The following UGGT1 variants were observed in gnomAD, a reference collection of about 807,000 sequenced individuals.
The protein encoded by UGGT1 is UDP-glucose:glycoprotein glucosyltransferase 1.
Under a neutral mutation model 203.9 loss-of-function variants are expected in UGGT1, and 107 were observed. The ratio of observed to expected loss-of-function variants is 0.52; its 90% CI spans 0.45 to 0.62. UGGT1 has a LOEUF of 0.62. UGGT1 is among the 20% of genes least tolerant of loss of function. The pLI is 0.00. For synonymous variants in UGGT1, 628 were observed against 653.5 expected, an observed-to-expected ratio of 0.96 and a Z score of 0.59; for missense variants, 1,673 against 1,867.2, an observed-to-expected ratio of 0.90 and a Z score of 1.92.
intron 13 of UGGT1, among the ~76,000 whole-genome samples, chr2:128,130,697 C>T (rs754211349): frequency 3.3e-5 from 5 of 152,194 alleles, no homozygotes; most frequent in Admixed American, 6.5e-5. Context: ...CCAACCACCC[C>T]TCTCCTTCCT....
At chr2:128,115,273 G>A in intron 7 of UGGT1, 53 bp downstream of exon 7, 1 of 1,494,566 alleles carries the variant, frequency 6.7e-7, no homozygotes, top group Non-Finnish European at 9.3e-7. Context: ...GAGTTAAAGG[G>A]GAGTTTGTTT....
In UGGT1 at chr2:128,175,971, T is replaced by C. The variant is rs1037349900; in HGVS notation, c.3540-843T>C. 5.3e-5 allele frequency among the ~76,000 whole-genome samples: 8 copies of C among 152,278 alleles called. No individual in the cohort carries two copies. The East Asian group carries it at 1.5e-3, about 29-fold the overall frequency. The stretch of plus-strand genomic sequence containing the variant: ...AACATACATTTAATTTTTCTTCCTC[T>C]GCTCCTGTCTGCCTGCAAATAGAAT... On this transcript the variant is annotated intron_variant, in intron 31 of 40. Coordinates refer to ENST00000259253, the MANE Select transcript of UGGT1 (RefSeq NM_020120.4).
chr2:128,176,065 G>A (rs1223373982), intron 31 of UGGT1, among the ~76,000 whole-genome samples: 2 of 152,222 alleles, frequency 1.3e-5, no homozygotes, highest in Non-Finnish European at 2.9e-5. Context: ...ACTGATTGTT[G>A]CCTCCGGCAG....
chr2:128,135,433 G>C (rs1337357434), intron 15 of UGGT1, among the ~76,000 whole-genome samples: 3 of 152,122 alleles, frequency 2.0e-5, no homozygotes, highest in Non-Finnish European at 4.4e-5. Context: ...GTCTTTTTAA[G>C]AACAGTTTTT....
intron 8 of UGGT1, among the ~76,000 whole-genome samples, chr2:128,117,531 T>G (rs1688164458): frequency 6.7e-6 from 1 of 149,278 alleles, no homozygotes; most frequent in East Asian, 2.0e-4. Flanking sequence ...CTGGAAAGTC[T>G]TCTTAACTGT....
At chr2:128,134,805 T>C in intron 14 of UGGT1, 71 bp from the exon 15 acceptor site, 3 of 1,408,800 alleles carry the variant, frequency 2.1e-6, no homozygotes, top group Non-Finnish European at 3.0e-6. Flanking sequence ...CAGTGACTCA[T>C]AACATTTTTC....
intron 12 of UGGT1, 73 bp from the exon 13 acceptor site, chr2:128,128,954 ATT>A: frequency 7.0e-7 from 1 of 1,429,546 alleles, no homozygotes; most frequent in Non-Finnish European, 9.3e-7. Flanking sequence ...GAACTGATAC[ATT>A]TTTTTTCATG....
intron 16 of UGGT1, among the ~76,000 whole-genome samples, chr2:128,142,233 C>T (rs1689465505): frequency 6.6e-6 from 1 of 151,470 alleles, no homozygotes; most frequent in African/African-American, 2.4e-5. Context: ...ACCATGCCTG[C>T]CTGGCCTATT....
intron 13 of UGGT1, among the ~76,000 whole-genome samples, chr2:128,130,123 T>G (rs1688803917): frequency 6.6e-6 from 1 of 152,062 alleles, no homozygotes; most frequent in African/African-American, 2.4e-5. Context: ...TAGCCGGGTG[T>G]GGTGGCACAC....
Position 128,183,772 on chromosome 2 carries a change from C to T in UGGT1, c.4342C>T (p.Leu1448Phe), listed in dbSNP as rs1264440209. 6.2e-7 allele frequency: 1 copy of T among 1,613,686 alleles called. No homozygotes were observed. Among genetic ancestry groups the T allele is most frequent in the Non-Finnish European group, 8.5e-7 (1 of 1,179,760 alleles). Residue 1448 changes from leucine (L) to phenylalanine (F), a missense_variant, in exon 38 of 41, where the codon CTT becomes TTT. Around this residue, in one of 4 missense-constraint regions of UGGT1, gnomAD observed 513 missense variants for 684.1 expected, o/e 0.75. Transcript: ENST00000259253. ...YQGLSQDPNS[L>F]SNLDQDLPNN... ...AGGTCTGAGTCAGGACCCTAACAGC[C>T]TTTCAAATCTTGATCAAGTAAGTGT... is the stretch of plus-strand genomic sequence containing the variant.
intron 25 of UGGT1, among the ~76,000 whole-genome samples, chr2:128,161,611 G>A (rs1469828676): frequency 6.6e-6 from 1 of 152,026 alleles, no homozygotes; most frequent in African/African-American, 2.4e-5. Flanking sequence ...TATCTATTTG[G>A]TTACCCTTCA....
At chr2:128,120,087 C>T (rs1688305225) in intron 8 of UGGT1, among the ~76,000 whole-genome samples, 1 of 151,922 alleles carries the variant, frequency 6.6e-6, no homozygotes. Context: ...TGAAAAGTCT[C>T]CTTTGTTAAC....
At position 128,091,392 on chromosome 2, in the gene UGGT1, C is replaced by G; in HGVS notation, c.35C>G (p.Ala12Gly). The G allele has an allele frequency of 6.3e-7, 1 of 1,578,014 alleles. No homozygotes were observed. The highest frequency in any genetic ancestry group is 8.6e-7 in the Non-Finnish European group (1 of 1,162,050). ...AAGGGAGACGCGAGCGGTGCGTGTG[C>G]CGCGGGTGCGCTGCCGGTGACAGGT... is the stretch of plus-strand genomic sequence containing the variant. ...GCKGDASGAC[A>G]AGALPVTGVC... Residue 12 changes from alanine (A) to glycine (G), a missense_variant, in exon 1 of 41, where the codon GCC becomes GGC. Ala to Gly is a moderately conservative substitution (Grantham distance 60). This residue lies in a region of UGGT1 where 83 missense variants were observed against 87.2 expected (regional missense o/e 0.95). Transcript: ENST00000259253.
chr2:128,101,293 A>G (rs1687364397), intron 2 of UGGT1, among the ~76,000 whole-genome samples: 1 of 152,188 alleles, frequency 6.6e-6, no homozygotes, highest in Non-Finnish European at 1.5e-5. Flanking sequence ...AAAATATTTT[A>G]CTACACTTTA....
rs200649180 is a variant in UGGT1, at chr2:128,182,173, A to G, written c.4127A>G (p.Asp1376Gly). 2 of 1,614,190 alleles carry G rather than the reference A, an allele frequency of 1.2e-6. No homozygotes were observed. Among genetic ancestry groups the G allele is most frequent in the Non-Finnish European group, 1.7e-6 (2 of 1,180,026 alleles). Residue 1376 changes from aspartate (D) to glycine (G), a missense_variant, in exon 37 of 41, where the codon GAT becomes GGT. This residue lies in a region of UGGT1 where 513 missense variants were observed against 684.1 expected (regional missense o/e 0.75). Coordinates refer to ENST00000259253, the MANE Select transcript of UGGT1 (RefSeq NM_020120.4). ...DLKELRDFNL[D>G]GAPYGYTPFC... Reference sequence around the variant, plus strand: ...AAAGAGTTAAGAGATTTCAATTTGGATGGTGCTCCTTATGGTTACACTCCT... The same window carrying G: ...AAAGAGTTAAGAGATTTCAATTTGGGTGGTGCTCCTTATGGTTACACTCCT...
At chr2:128,139,039 A>G (rs1045259246) in intron 16 of UGGT1, among the ~76,000 whole-genome samples, 187 bp downstream of exon 16, 1 of 152,212 alleles carries the variant, frequency 6.6e-6, no homozygotes, top group Admixed American at 6.5e-5. Context: ...AGTGGCAGGG[A>G]TGCCAGTTGA....
chr2:128,187,591 A>G lies in UGGT1; in HGVS notation c.4619A>G (p.Lys1540Arg). The G allele has an allele frequency of 1.9e-6, 3 of 1,613,404 alleles. No homozygotes were observed. The highest frequency in any genetic ancestry group is 2.5e-6 in the Non-Finnish European group (3 of 1,179,570). ...GAAACGGGAGCACTGTACAAAGAGA[A>G]GACAAAAGAACCAAGCCGAGAAGGT... ...EKETGALYKE[K>R]TKEPSREGPQ... The change falls in exon 40 of 41, where the codon AAG becomes AGG. Residue 1540 changes from lysine to arginine, a missense_variant. Transcript: ENST00000259253.
At chr2:128,150,002 T>C (rs1356603341) in intron 18 of UGGT1, among the ~76,000 whole-genome samples, 1 of 152,194 alleles carries the variant, frequency 6.6e-6, no homozygotes, top group Admixed American at 6.6e-5. Flanking sequence ...ATTTACTTCA[T>C]TCCCTAGTAT....
chr2:128,106,458 C>T (rs887043651), intron 3 of UGGT1, among the ~76,000 whole-genome samples: 1 of 152,132 alleles, frequency 6.6e-6, no homozygotes, highest in African/African-American at 2.4e-5. Context: ...TGAGATATTT[C>T]TTATCTAGTT....
Sources: allele counts gnomAD v4.1 joint callset (sites outside exome capture counted in the v4.1 genomes callset), GRCh38; gene constraint gnomAD v4.1.1; regional missense constraint gnomAD v4.1.1; transcripts MANE v1.5; gene names NCBI Gene and HGNC (gene_info 2026-07-23, HGNC 2026-07-21).